Variants in MRPS6 observed in about 807,000 individuals in gnomAD.
MRPS6 encodes mitochondrial ribosomal protein S6.
In MRPS6, 6 loss-of-function variants were observed where a neutral mutation model predicts 13.1. That is an observed-to-expected ratio of 0.46 (90% confidence interval 0.25 to 0.91). MRPS6 has a LOEUF of 0.91. MRPS6 is among the 40% of genes least tolerant of loss of function. The pLI is 0.18. For synonymous variants in MRPS6, 61 were observed against 56.5 expected (o/e 1.08, Z -0.36); for missense variants, 164 against 155.6 (o/e 1.05, Z -0.29).
At position 34,083,214 on chromosome 21, in the gene MRPS6, C is replaced by T. The variant is rs541502118; in HGVS notation, c.45+9469C>T. Among the ~76,000 whole-genome samples the T allele has an allele frequency of 6.6e-5, 10 of 152,242 alleles. No homozygotes were observed. In the East Asian group the frequency reaches 7.7e-4, roughly 12 times the overall value. ...GGATATAATCCAGTTTGAGAAAATT[C>T]TCATTGTGGTGATCAGAAGTGCAGT... is the stretch of plus-strand genomic sequence containing the variant. On this transcript the variant is annotated intron_variant, in intron 1 of 2. Transcript: ENST00000399312.
chr21:34,101,034 T>G (rs1490425737), intron 1 of MRPS6: 1 of 1,000,064 alleles, frequency 1.0e-6, no homozygotes, highest in Non-Finnish European at 1.2e-6. Context: ...GACACCTCAC[T>G]GTTTCCTAGG....
At chr21:34,119,269 T>C (rs1232009519) in intron 1 of MRPS6, among the ~76,000 whole-genome samples, 1 of 152,198 alleles carries the variant, frequency 6.6e-6, no homozygotes, top group African/African-American at 2.4e-5. Context: ...ATGTAGATGG[T>C]TCTCCCAAGG....
chr21:34,126,311 T>A (rs1478556714), intron 2 of MRPS6, among the ~76,000 whole-genome samples: 1 of 152,224 alleles, frequency 6.6e-6, no homozygotes, highest in Non-Finnish European at 1.5e-5. Context: ...ACGAGAATGC[T>A]GCTTGTAGTT....
intron 2 of MRPS6, among the ~76,000 whole-genome samples, chr21:34,132,922 C>G (rs1202471235): frequency 6.6e-6 from 1 of 152,170 alleles, no homozygotes; most frequent in Non-Finnish European, 1.5e-5. Context: ...AATGACTTAA[C>G]CTTTTTGAGT....
At position 34,105,161 on chromosome 21, in the gene MRPS6, C is replaced by G. The variant is rs1979420127; in HGVS notation, c.46-20180C>G. ...GAATTTGTTCCCTTGCTTTCCCCCA[C>G]TGTTACTGCTTCAGTTTATAGATTG... is the stretch of plus-strand genomic sequence containing the variant. On this transcript the variant is annotated intron_variant, in intron 1 of 2. Transcript: ENST00000399312. 3.0e-6 allele frequency: 3 copies of G among 1,000,086 alleles called. No individual in the cohort carries two copies. In the African/African-American group the frequency reaches 5.2e-5, roughly 17 times the overall value. 62.0% of individuals were successfully genotyped at this position (1,000,086 alleles called of 1,614,324 possible). A position where few individuals can be genotyped will look rare whatever the true frequency, so the allele number is the denominator to read the frequency against.
chr21:34,102,739 T>G, intron 1 of MRPS6: 1 of 1,000,188 alleles, frequency 1.0e-6, no homozygotes, highest in Non-Finnish European at 1.2e-6. Context: ...CTCAGATTTT[T>G]CGTAGTGTGG....
At chr21:34,141,388 A>G (rs563916986) in intron 2 of MRPS6, among the ~76,000 whole-genome samples, 7 of 152,318 alleles carry the variant, frequency 4.6e-5, no homozygotes, top group Admixed American at 1.3e-4. Context: ...GAGTGGGCAC[A>G]GAAGGTCTCT....
chr21:34,106,450 G>T (rs535885166), intron 1 of MRPS6, among the ~76,000 whole-genome samples: 2 of 152,240 alleles, frequency 1.3e-5, no homozygotes, highest in African/African-American at 4.8e-5. Context: ...TATTGACTGA[G>T]AATAGGATTA....
intron 1 of MRPS6, chr21:34,122,697 A>C (rs1330315138): frequency 6.6e-6 from 1 of 150,592 alleles, no homozygotes; most frequent in African/African-American, 2.5e-5. Context: ...CAGAAAACTA[A>C]TCAATCAAAT....
chr21:34,118,033 AT>A (rs1979987808), intron 1 of MRPS6, among the ~76,000 whole-genome samples: 1 of 152,012 alleles, frequency 6.6e-6, no homozygotes, highest in Non-Finnish European at 1.5e-5. Flanking sequence ...AATCTGCAGT[AT>A]TTTTTTCAAC....
At chr21:34,115,086 C>G (rs1979850426) in intron 1 of MRPS6, among the ~76,000 whole-genome samples, 1 of 152,156 alleles carries the variant, frequency 6.6e-6, no homozygotes, top group African/African-American at 2.4e-5. Flanking sequence ...GCAAATTCAG[C>G]CATGCATTAT....
chr21:34,111,708 C>T (rs1236793827), intron 1 of MRPS6, among the ~76,000 whole-genome samples: 1 of 152,186 alleles, frequency 6.6e-6, no homozygotes, highest in Non-Finnish European at 1.5e-5. Context: ...CCACCATTCC[C>T]TAGGGCTTGC....
In MRPS6 at chr21:34,086,766, C is replaced by T. The variant is rs117881007; in HGVS notation, c.45+13021C>T. Among the ~76,000 whole-genome samples the T allele has an allele frequency of 2.6e-4, 40 of 152,206 alleles. No individual in the cohort carries two copies. In the East Asian group the frequency reaches 7.3e-3, roughly 28 times the overall value. ...GTTGGCACATGGTGTTTGGTAAATGCTAGTTACTAAGGTAACTTCTTTAGT... is the reference window on the plus strand; with the variant it reads ...GTTGGCACATGGTGTTTGGTAAATGTTAGTTACTAAGGTAACTTCTTTAGT... On this transcript the variant is annotated intron_variant, in intron 1 of 2. Coordinates refer to ENST00000399312, the MANE Select transcript of MRPS6 (RefSeq NM_032476.4).
chr21:34,104,197 C>G, intron 1 of MRPS6: 2 of 999,956 alleles, frequency 2.0e-6, no homozygotes, highest in Non-Finnish European at 2.4e-6. Flanking sequence ...GAGCATCAGA[C>G]TAATTCTGAA....
intron 2 of MRPS6, among the ~76,000 whole-genome samples, chr21:34,127,963 T>A (rs930925757): frequency 2.0e-5 from 3 of 152,216 alleles, no homozygotes; most frequent in Non-Finnish European, 4.4e-5. Flanking sequence ...GGCAAGGCGC[T>A]GATTTGAAAC....
intron 2 of MRPS6, among the ~76,000 whole-genome samples, chr21:34,134,388 TG>T (rs1269182231): frequency 1.3e-5 from 2 of 152,310 alleles, no homozygotes; most frequent in East Asian, 3.9e-4. Flanking sequence ...TAAGGAACCC[TG>T]GGAGTCTTCA....
intron 1 of MRPS6, among the ~76,000 whole-genome samples, chr21:34,084,777 C>G (rs900125781): frequency 6.6e-6 from 1 of 152,148 alleles, no homozygotes; most frequent in Non-Finnish European, 1.5e-5. Flanking sequence ...AGTCTGCTCA[C>G]CTCTGTTTTC....
chr21:34,115,952 C>T (rs1400652235), intron 1 of MRPS6, among the ~76,000 whole-genome samples: 2 of 148,578 alleles, frequency 1.3e-5, no homozygotes, highest in African/African-American at 2.5e-5. Context: ...CATGGATGTA[C>T]TCTCCATGCT....
intron 2 of MRPS6, chr21:34,135,424 T>G: frequency 2.3e-6 from 1 of 430,406 alleles, no homozygotes; most frequent in Non-Finnish European, 4.7e-6. Context: ...GGGCATCAGC[T>G]GGGAAAATCA....
Sources: gnomAD v4.1 joint callset for allele counts (sites outside exome capture counted in the v4.1 genomes callset) on GRCh38, gnomAD v4.1.1 for gene constraint, MANE v1.5 for transcripts, NCBI Gene and HGNC (gene_info 2026-07-23, HGNC 2026-07-21) for gene names.